Variants in EXOSC9 observed in about 807,000 individuals in gnomAD.
EXOSC9 encodes the protein exosome component 9, also known as exosome complex component RRP45.
Under a neutral mutation model 56.5 loss-of-function variants are expected in EXOSC9, and 38 were observed. That is an observed-to-expected ratio of 0.67 (90% CI 0.52 to 0.88). The LOEUF is 0.88. Ranked by LOEUF, EXOSC9 falls within the 40% of genes least tolerant of loss-of-function variation. EXOSC9 has a pLI of 0.00. For missense variants in EXOSC9, 559 were observed against 530.5 expected, an observed-to-expected ratio of 1.05 and a Z score of -0.53; for synonymous variants, 170 against 170.8, an observed-to-expected ratio of 0.99 and a Z score of 0.04.
chr4:121,808,438 C>A (rs933710861), intron 6 of EXOSC9, among the ~76,000 whole-genome samples: 2 of 152,266 alleles, frequency 1.3e-5, no homozygotes, highest in East Asian at 3.9e-4. Flanking sequence ...TTGCTCATTA[C>A]AACCTCTGCT....
chr4:121,814,146 TATC>T lies in EXOSC9; in HGVS notation c.1156+101_1156+103del, dbSNP rs763839421. 218 of 709,036 alleles carry T rather than the reference TATC, an allele frequency of 3.1e-4. 2 individuals are homozygous for T. The highest frequency in any genetic ancestry group is 1.7e-3 in the South Asian group (89 of 51,554). The allele number at this position is 709,036 out of a possible 1,614,324, so 43.9% of individuals were successfully genotyped here. On this transcript the variant is annotated intron_variant, in intron 10 of 11. Coordinates refer to ENST00000243498, the MANE Select transcript of EXOSC9 (RefSeq NM_005033.3). Reference sequence around the variant, plus strand: ...GCATAAAATGTGTGTATATTTATATTATCACTGTATATAGTAATATATAGCATA... The same window carrying T: ...GCATAAAATGTGTGTATATTTATATTACTGTATATAGTAATATATAGCATA...
chr4:121,813,918 GT>G lies in EXOSC9; in HGVS notation c.1028del (p.Val343GlufsTer29). ...TPGTAQIGEG[V>X]ENSWGDLEDS... is the part of the protein sequence containing the mutation. Reference sequence around the variant, plus strand: ...TGGAACTGCCCAAATTGGAGAGGGAGTAGAAAACTCCTGGGGTGATCTTGAA... The same window carrying G: ...TGGAACTGCCCAAATTGGAGAGGGAGAGAAAACTCCTGGGGTGATCTTGAA... On this transcript the variant is annotated frameshift_variant, in exon 10 of 12. Coordinates refer to ENST00000243498, the MANE Select transcript of EXOSC9 (RefSeq NM_005033.3). LOFTEE classifies it high-confidence loss of function. 6.2e-7 allele frequency: 1 copy of G among 1,613,590 alleles called. No homozygotes were observed. Among genetic ancestry groups the G allele is most frequent in the Non-Finnish European group, 8.5e-7 (1 of 1,179,578 alleles).
chr4:121,815,104 A>G (rs1724442254), intron 10 of EXOSC9: 1 of 152,908 alleles, frequency 6.5e-6, no homozygotes, highest in African/African-American at 2.4e-5. Flanking sequence ...AAAATTTCCC[A>G]TTGATTGGGA....
At chr4:121,811,526 T>C (rs1410527398) in intron 7 of EXOSC9, 57 bp from the exon 8 acceptor site, 10 of 988,208 alleles carry the variant, frequency 1.0e-5, no homozygotes, top group African/African-American at 1.7e-5. Flanking sequence ...TTAGTTTCAT[T>C]AGAGAAAACT....
intron 7 of EXOSC9, among the ~76,000 whole-genome samples, chr4:121,810,943 A>G (rs1727193764): frequency 2.0e-5 from 3 of 152,298 alleles, no homozygotes; most frequent in Non-Finnish European, 2.9e-5. Flanking sequence ...TAGAACTACA[A>G]TTGGCAGTAG....
chr4:121,807,908 G>C (rs571241715), intron 6 of EXOSC9: 174 of 424,994 alleles, frequency 4.1e-4, no homozygotes, highest in African/African-American at 3.1e-3. Context: ...GTTTCCTAAG[G>C]CTGTACAGTG....
rs1726966841 is a variant in EXOSC9 at position 121,804,649 on chromosome 4, T to G, written c.412T>G (p.Leu138Val). 1.9e-6 allele frequency: 3 copies of G among 1,605,040 alleles called. No homozygotes were observed. Among genetic ancestry groups the G allele is most frequent in the Non-Finnish European group, 2.6e-6 (3 of 1,172,328 alleles). Residue 138 changes from leucine to valine, a missense_variant, in exon 5 of 12, where the codon TTA (leucine) becomes GTA (valine). Transcript: ENST00000243498. ...TTGGCAAATACGTGTAGACCTACAT[T>G]TATTAAATCATGATGGAAATATTAT... ...KVWQIRVDLH[L>V]LNHDGNIIDA...
chr4:121,816,304 GA>G (rs1305957490), intron 10 of EXOSC9, 64 bp from the exon 11 acceptor site: 5 of 901,026 alleles, frequency 5.5e-6, no homozygotes, highest in Admixed American at 6.1e-5. Context: ...AATTCATGTA[GA>G]AATAAATTTT....
chr4:121,801,418 C>T lies in EXOSC9; in HGVS notation c.-7C>T, dbSNP rs1212688758. On this transcript the variant is annotated 5_prime_UTR_variant, in exon 1 of 12. Transcript: ENST00000243498. ...TCTGGTGCCTGTGGGGCCGGTGACC[C>T]AACACCATGAAGGAAACGCCACTCT... 2 of 1,613,552 alleles carry T rather than the reference C, an allele frequency of 1.2e-6. No homozygotes were observed. Among genetic ancestry groups the T allele is most frequent in the African/African-American group, 1.3e-5 (1 of 74,930 alleles).
intron 9 of EXOSC9, among the ~76,000 whole-genome samples, 172 bp downstream of exon 9, chr4:121,813,552 A>G (rs1318098547): frequency 6.6e-6 from 1 of 152,254 alleles, no homozygotes; most frequent in Non-Finnish European, 1.5e-5. Flanking sequence ...TGTTGATGGT[A>G]TAACATTCAG....
At chr4:121,802,566 CTGAG>C in intron 2 of EXOSC9, 104 bp from the exon 3 acceptor site, 1 of 963,596 alleles carries the variant, frequency 1.0e-6, no homozygotes, top group Non-Finnish European at 1.6e-6. Context: ...ATTTATTTGG[CTGAG>C]TATGATATTA....
intron 10 of EXOSC9, chr4:121,814,248 A>G (rs1469454014): frequency 2.1e-5 from 7 of 337,700 alleles, no homozygotes; most frequent in Non-Finnish European, 2.7e-5. Context: ...ATATGTAGTT[A>G]TATATAGGGA....
At chr4:121,806,399 T>C (rs1727023747) in intron 5 of EXOSC9, among the ~76,000 whole-genome samples, 1 of 151,972 alleles carries the variant, frequency 6.6e-6, no homozygotes, top group Non-Finnish European at 1.5e-5. Context: ...CACATCGGCC[T>C]TCCAAAGTGC....
intron 10 of EXOSC9, chr4:121,815,747 C>T: frequency 1.0e-6 from 1 of 990,954 alleles, no homozygotes; most frequent in Non-Finnish European, 1.2e-6. Context: ...GGAATGTAAA[C>T]TGGAACTATT....
At chr4:121,808,226 TCA>T (rs1205436506) in intron 6 of EXOSC9, among the ~76,000 whole-genome samples, 3 of 151,030 alleles carry the variant, frequency 2.0e-5, no homozygotes, top group East Asian at 2.0e-4. Context: ...TAAAAATATT[TCA>T]CACAGTGTTG....
intron 5 of EXOSC9, among the ~76,000 whole-genome samples, chr4:121,805,270 C>CT (rs1212418187): frequency 6.6e-6 from 1 of 152,202 alleles, no homozygotes; most frequent in Non-Finnish European, 1.5e-5. Flanking sequence ...AGGGCTAGGA[C>CT]TTAAGATTTT....
Position 121,813,313 on chromosome 4 carries a change from A to G in EXOSC9, c.907A>G (p.Ile303Val), listed in dbSNP as rs191541170. The G allele has an allele frequency of 8.1e-6, 13 of 1,613,698 alleles. No homozygotes were observed. Among genetic ancestry groups the G allele is most frequent in the Middle Eastern group, 1.7e-4 (1 of 6,060 alleles). Residue 303 changes from isoleucine (I) to valine (V), a missense_variant, in exon 9 of 12, where the codon ATT (isoleucine) becomes GTT (valine). By Grantham distance (29) the Ile-to-Val change is conservative. Transcript: ENST00000243498. ...AGCATTTAAAATGGAAAAGGCCCCT[A>G]TTGATACCTCGGATGTAGAAGAAAA... ...ITAFKMEKAP[I>V]DTSDVEEKAE...
intron 4 of EXOSC9, chr4:121,804,417 G>A (rs1235781720): frequency 3.9e-5 from 16 of 412,016 alleles, no homozygotes; most frequent in Non-Finnish European, 6.5e-5. Context: ...TTTAAAGTAT[G>A]TGTTCTGTTG....
At position 121,801,820 on chromosome 4, in the gene EXOSC9, C is replaced by A; in HGVS notation, c.67-7C>A. On this transcript the variant is annotated splice_polypyrimidine_tract_variant and splice_region_variant and intron_variant, in intron 1 of 11. Transcript: ENST00000243498. The stretch of plus-strand genomic sequence containing the variant: ...GAATAAATTAATGAATGAATTTGTG[C>A]TTACAGCGGCTGGATGGCAGACAAA... The A allele has an allele frequency of 6.2e-7, 1 of 1,608,254 alleles. No individual in the cohort carries two copies. The highest frequency in any genetic ancestry group is 8.5e-7 in the Non-Finnish European group (1 of 1,174,630).
Sources: gnomAD v4.1 joint callset for allele counts (sites outside exome capture counted in the v4.1 genomes callset) on GRCh38, gnomAD v4.1.1 for gene constraint, MANE v1.5 for transcripts, NCBI Gene and HGNC (gene_info 2026-07-23, HGNC 2026-07-21) for gene names.